Variants in RAPGEF6 observed in about 807,000 individuals in gnomAD.
RAPGEF6 encodes the protein Rap guanine nucleotide exchange factor 6.
RAPGEF6 carries 56 observed loss-of-function variants against 171.4 expected under a neutral mutation model. The ratio of observed to expected loss-of-function variants is 0.33; its 90% CI spans 0.26 to 0.41. The LOEUF is 0.41. Ranked by LOEUF, RAPGEF6 falls within the 10% of genes least tolerant of loss-of-function variation. The probability of loss-of-function intolerance (pLI) is 1.00; values close to 1 mark genes in which losing one functional copy is unlikely to be tolerated. For synonymous variants in RAPGEF6, 692 were observed against 650.1 expected, an observed-to-expected ratio of 1.06 and a Z score of -0.98; for missense variants, 1,674 against 1,921.4, an observed-to-expected ratio of 0.87 and a Z score of 2.41.
intron 3 of RAPGEF6, among the ~76,000 whole-genome samples, chr5:131,595,310 G>A (rs1434213146): frequency 1.3e-5 from 2 of 152,014 alleles, no homozygotes; most frequent in Non-Finnish European, 2.9e-5. Flanking sequence ...GTGGTAAGGA[G>A]TGCTTGTTTC....
chr5:131,546,186 G>C (rs1264602369), intron 6 of RAPGEF6, among the ~76,000 whole-genome samples: 1 of 152,112 alleles, frequency 6.6e-6, no homozygotes, highest in African/African-American at 2.4e-5. Flanking sequence ...ACACACTCTA[G>C]CTCACACTAG....
At chr5:131,477,584 A>G (rs1755186316) in intron 16 of RAPGEF6, among the ~76,000 whole-genome samples, 1 of 152,198 alleles carries the variant, frequency 6.6e-6, no homozygotes, top group South Asian at 2.1e-4. Flanking sequence ...GACAGAATTC[A>G]GGTACAGTAA....
At chr5:131,630,478 T>C (rs1242294439) in intron 1 of RAPGEF6, among the ~76,000 whole-genome samples, 3 of 152,220 alleles carry the variant, frequency 2.0e-5, no homozygotes, top group Admixed American at 1.3e-4. Flanking sequence ...GTCTGTACCT[T>C]AACAGTTTTT....
At chr5:131,460,998 A>G (rs1445328204) in intron 19 of RAPGEF6, among the ~76,000 whole-genome samples, 1 of 152,214 alleles carries the variant, frequency 6.6e-6, no homozygotes, top group Non-Finnish European at 1.5e-5. Flanking sequence ...TTTTAAAATT[A>G]AACTTGTTTT....
rs376096619 is a variant in RAPGEF6, at chr5:131,425,886, C to CTTTTTTTTTTTTTT, written c.*1366_*1379dup. On this transcript the variant is annotated 3_prime_UTR_variant, in exon 28 of 28. Transcript: ENST00000509018. ...GGGTAGTGCACGTTAATGGCTTTGGCTTTTTTTTTTTTTTTTTTTTTGGTA... is the reference window on the plus strand; with the variant it reads ...GGGTAGTGCACGTTAATGGCTTTGGCTTTTTTTTTTTTTTTTTTTTTTTTTTTTTTTTTTTGGTA... The CTTTTTTTTTTTTTT allele has an allele frequency of 4.7e-5, 4 of 84,432 alleles. No homozygotes were observed. Among genetic ancestry groups the CTTTTTTTTTTTTTT allele is most frequent in the East Asian group, 3.8e-4 (1 of 2,624 alleles). 5.2% of individuals were successfully genotyped at this position (84,432 alleles called of 1,614,324 possible).
At chr5:131,565,704 T>C (rs925436088) in intron 4 of RAPGEF6, among the ~76,000 whole-genome samples, 1 of 152,200 alleles carries the variant, frequency 6.6e-6, no homozygotes, top group African/African-American at 2.4e-5. Context: ...CATGTTCAAC[T>C]GATTTTTGGC....
chr5:131,533,169 T>TACACACACAA (rs1759514149), intron 6 of RAPGEF6: 1 of 136,860 alleles, frequency 7.3e-6, no homozygotes, highest in African/African-American at 2.8e-5. Flanking sequence ...ATTGAAAACA[T>TACACACACAA]ACACACACAC....
chr5:131,543,984 C>A (rs1760333871), intron 6 of RAPGEF6, among the ~76,000 whole-genome samples: 1 of 151,926 alleles, frequency 6.6e-6, no homozygotes, highest in African/African-American at 2.4e-5. Context: ...ATCAGGGATA[C>A]ATAAAATCAA....
At chr5:131,553,109 C>G (rs1761023645) in intron 5 of RAPGEF6, among the ~76,000 whole-genome samples, 1 of 152,170 alleles carries the variant, frequency 6.6e-6, no homozygotes, top group Non-Finnish European at 1.5e-5. Flanking sequence ...CAGTGAGGAA[C>G]AACCAATAGC....
At chr5:131,608,337 A>G (rs570045439) in intron 1 of RAPGEF6, among the ~76,000 whole-genome samples, 5 of 152,288 alleles carry the variant, frequency 3.3e-5, no homozygotes, top group African/African-American at 1.2e-4. Context: ...CATTCCTGAA[A>G]TCCAAGTTCC....
intron 5 of RAPGEF6, among the ~76,000 whole-genome samples, chr5:131,561,660 C>CAAAAAAAAAAAAAAAAAA (rs35691525): frequency 2.2e-5 from 2 of 90,906 alleles, no homozygotes; most frequent in Non-Finnish European, 4.5e-5. Context: ...AACTCTGTCT[C>CAAAAAAAAAAAAAAAAAA]AAAAAAAAAA....
Position 131,456,031 on chromosome 5 carries a change from G to C in RAPGEF6, c.2865-19C>G, listed in dbSNP as rs572637500. 11 of 1,605,872 alleles carry C rather than the reference G, an allele frequency of 6.8e-6. No homozygotes were observed. The South Asian group carries it at 1.2e-4, about 18-fold the overall frequency. ...CAAGCCACTGCCAAAGATGAGAATA[G>C]AAACATTAAAAAGAAACTTGGGGAA... On this transcript the variant is annotated intron_variant, in intron 19 of 27. Coordinates refer to ENST00000509018, the MANE Select transcript of RAPGEF6 (RefSeq NM_016340.6).
Position 131,562,029 on chromosome 5 carries a change from T to TCCAAACTGCTTA in RAPGEF6, c.288_299dup (p.Lys97_Gly100dup), listed in dbSNP as rs1554082311. Reference sequence around the variant, plus strand: ...CAAGACAATCACATCCTCTTTTTCCTCCAAACTGCTTACCAAAACTATAAA... The same window carrying TCCAAACTGCTTA: ...CAAGACAATCACATCCTCTTTTTCCTCCAAACTGCTTACCAAACTGCTTACCAAAACTATAAA... On this transcript the variant is annotated inframe_insertion, in exon 5 of 28. Transcript: ENST00000509018. 3.1e-6 allele frequency: 5 copies of TCCAAACTGCTTA among 1,587,392 alleles called. No individual in the cohort carries two copies. In the East Asian group the frequency reaches 1.2e-4, roughly 37 times the overall value.
At position 131,431,240 on chromosome 5, in the gene RAPGEF6, G is replaced by T. The variant is rs147775864; in HGVS notation, c.4084C>A (p.Arg1362Ser). The change falls in exon 26 of 28, where the codon CGT becomes AGT. Residue 1362 changes from arginine to serine, a missense_variant. Around this residue, in one of 3 missense-constraint regions of RAPGEF6, gnomAD observed 552 missense variants for 574.2 expected, o/e 0.96. Transcript: ENST00000509018. ...CTTGAACACGAAGTCCAACTTCCAC[G>T]ACCACTGTCAGCTGCTTCTATAATG... The part of the protein sequence containing the change: ...HIIIEAADSG[R>S]GSWTSCSSSS... The T allele has an allele frequency of 3.1e-6, 5 of 1,614,148 alleles. No individual in the cohort carries two copies. Among genetic ancestry groups the T allele is most frequent in the South Asian group, 1.1e-5 (1 of 91,062 alleles).
intron 5 of RAPGEF6, among the ~76,000 whole-genome samples, chr5:131,552,877 G>C (rs187154296): frequency 6.6e-6 from 1 of 152,032 alleles, no homozygotes; most frequent in Non-Finnish European, 1.5e-5. Context: ...CATGTAAGAA[G>C]CAAGACATAA....
At chr5:131,529,599 T>C (rs977244868) in intron 6 of RAPGEF6, among the ~76,000 whole-genome samples, 4 of 149,938 alleles carry the variant, frequency 2.7e-5, no homozygotes, top group African/African-American at 9.8e-5. Flanking sequence ...CTTCATGGCA[T>C]CAAGGATTAA....
chr5:131,591,444 T>C (rs2150002391), intron 4 of RAPGEF6, among the ~76,000 whole-genome samples: 1 of 152,346 alleles, frequency 6.6e-6, no homozygotes, highest in African/African-American at 2.4e-5. Flanking sequence ...GTCATTTATT[T>C]CTCAGAACTA....
At chr5:131,481,275 G>C (rs897475006) in intron 15 of RAPGEF6, among the ~76,000 whole-genome samples, 1 of 151,408 alleles carries the variant, frequency 6.6e-6, no homozygotes, top group East Asian at 1.9e-4. Flanking sequence ...GCCCAGGCTG[G>C]AGTTCAGTGG....
At chr5:131,519,281 T>C (rs1758313900) in intron 7 of RAPGEF6, among the ~76,000 whole-genome samples, 1 of 152,236 alleles carries the variant, frequency 6.6e-6, no homozygotes, top group Non-Finnish European at 1.5e-5. Flanking sequence ...CTGTGTACAG[T>C]CCATCTTCTA....
Sources: allele counts gnomAD v4.1 joint callset (sites outside exome capture counted in the v4.1 genomes callset), GRCh38; gene constraint gnomAD v4.1.1; regional missense constraint gnomAD v4.1.1; transcripts MANE v1.5; gene names NCBI Gene and HGNC (gene_info 2026-07-23, HGNC 2026-07-21).